The following CUBN variants were observed in gnomAD, a reference collection of about 807,000 sequenced individuals.
CUBN encodes cubilin.
CUBN carries 282 observed loss-of-function variants against 405.3 expected under a neutral mutation model. The observed-to-expected ratio is 0.70, with a 90% CI of 0.63 to 0.77. CUBN has a LOEUF of 0.77. Ranked by LOEUF, CUBN falls within the 30% of genes least tolerant of loss-of-function variation. CUBN has a pLI of 0.00. For synonymous variants in CUBN, 1,684 were observed against 1,617.0 expected (o/e 1.04, Z -0.99); for missense variants, 4,514 against 4,475.2 (o/e 1.01, Z -0.25).
intron 28 of CUBN, among the ~76,000 whole-genome samples, chr10:16,996,493 C>T (rs1833738629): frequency 1.3e-5 from 2 of 152,058 alleles, no homozygotes; most frequent in Non-Finnish European, 2.9e-5. Context: ...AAAATACCTT[C>T]ATAAAAGAAC....
At chr10:16,850,469 T>TTTA (rs1281185819) in intron 60 of CUBN, among the ~76,000 whole-genome samples, 1 of 151,976 alleles carries the variant, frequency 6.6e-6, no homozygotes, top group Non-Finnish European at 1.5e-5. Flanking sequence ...ACTTTTTTAT[T>TTTA]TTATTTATTT....
chr10:16,974,817 A>T (rs1326857181), intron 31 of CUBN, among the ~76,000 whole-genome samples: 3 of 152,214 alleles, frequency 2.0e-5, no homozygotes, highest in Admixed American at 6.5e-5. Context: ...GATGATGAGG[A>T]TGAAGACCTT....
chr10:16,976,394 CT>C, intron 31 of CUBN, among the ~76,000 whole-genome samples: 1 of 151,974 alleles, frequency 6.6e-6, no homozygotes, highest in Non-Finnish European at 1.5e-5. Context: ...ACTTCCAATC[CT>C]GGTTGAAAAG....
At chr10:16,829,799 T>C (rs1838920327) in intron 65 of CUBN, among the ~76,000 whole-genome samples, 1 of 152,072 alleles carries the variant, frequency 6.6e-6, no homozygotes, top group Non-Finnish European at 1.5e-5. Context: ...GGGCAACTCA[T>C]TAATCTTGGT....
At chr10:16,895,391 G>A (rs774085941) in intron 54 of CUBN, among the ~76,000 whole-genome samples, 1 of 151,696 alleles carries the variant, frequency 6.6e-6, no homozygotes, top group Non-Finnish European at 1.5e-5. Flanking sequence ...ACATATATAT[G>A]TCAATCAGAT....
intron 31 of CUBN, among the ~76,000 whole-genome samples, chr10:16,969,380 G>T (rs1843489486): frequency 1.3e-5 from 2 of 151,478 alleles, no homozygotes; most frequent in African/African-American, 4.9e-5. Context: ...TTTTTAGATG[G>T]AGTCTTGCTC....
chr10:16,854,898 C>T (rs1302533328), intron 59 of CUBN, among the ~76,000 whole-genome samples: 2 of 151,784 alleles, frequency 1.3e-5, no homozygotes, highest in Non-Finnish European at 2.9e-5. Flanking sequence ...TTGGCTGATC[C>T]ATCCTCCCTC....
intron 39 of CUBN, 44 bp downstream of exon 39, chr10:16,937,548 C>CACAT (rs1564434347): frequency 1.3e-6 from 2 of 1,536,168 alleles, no homozygotes; most frequent in Admixed American, 3.4e-5. Context: ...CATTGGCCTG[C>CACAT]ACATATCAGT....
At chr10:16,861,687 A>G (rs912438140) in intron 59 of CUBN, among the ~76,000 whole-genome samples, 1 of 152,036 alleles carries the variant, frequency 6.6e-6, no homozygotes, top group African/African-American at 2.4e-5. Flanking sequence ...TGAATCTGGG[A>G]TGTGATGCTC....
At chr10:16,967,548 C>T (rs1335017353) in intron 31 of CUBN, among the ~76,000 whole-genome samples, 1 of 151,994 alleles carries the variant, frequency 6.6e-6, no homozygotes, top group Non-Finnish European at 1.5e-5. Flanking sequence ...CACCAGGAAG[C>T]AAAGTAGCTA....
At chr10:16,828,401 C>T (rs1389868654) in intron 66 of CUBN, among the ~76,000 whole-genome samples, 1 of 152,178 alleles carries the variant, frequency 6.6e-6, no homozygotes, top group African/African-American at 2.4e-5. Flanking sequence ...GTGCTTCTTC[C>T]TCTGCAGTGT....
rs112391115 is a variant in CUBN, at chr10:17,111,248, C to T, written c.884-198G>A. On this transcript the variant is annotated intron_variant, in intron 8 of 66. Coordinates refer to ENST00000377833, the MANE Select transcript of CUBN (RefSeq NM_001081.4). ...CAACAAAGTGGGCAAATGGGCTCCTCTTATATGCTGATAGCTAGACATTAA... is the reference window on the plus strand; with the variant it reads ...CAACAAAGTGGGCAAATGGGCTCCTTTTATATGCTGATAGCTAGACATTAA... 5.2e-3 allele frequency among the ~76,000 whole-genome samples: 799 copies of T among 152,282 alleles called. 4 individuals are homozygous for T. The highest frequency in any genetic ancestry group is 0.018 in the African/African-American group (768 of 41,542).
At chr10:16,943,244 C>A (rs1297385776) in intron 36 of CUBN, among the ~76,000 whole-genome samples, 1 of 152,190 alleles carries the variant, frequency 6.6e-6, no homozygotes, top group Non-Finnish European at 1.5e-5. Context: ...TGGTGGTAAG[C>A]TGGTGGCTCT....
intron 7 of CUBN, 37 bp from the exon 8 acceptor site, chr10:17,114,226 T>A: frequency 6.2e-7 from 1 of 1,606,942 alleles, no homozygotes; most frequent in Non-Finnish European, 8.5e-7. Context: ...AAGACAATCA[T>A]GAAAATCAGC....
At chr10:17,107,955 G>A (rs189245531) in intron 10 of CUBN, among the ~76,000 whole-genome samples, 1 of 152,170 alleles carries the variant, frequency 6.6e-6, no homozygotes, top group African/African-American at 2.4e-5. Context: ...GAAAAATGGA[G>A]TAAGCAAGCT....
intron 64 of CUBN, 39 bp from the exon 65 acceptor site, chr10:16,831,456 C>T (rs1470367692): frequency 1.3e-6 from 2 of 1,544,862 alleles, no homozygotes; most frequent in Non-Finnish European, 1.8e-6. Flanking sequence ...CTTACACTTT[C>T]TTCTCTAAGG....
chr10:16,920,207 C>T (rs1256269824), intron 43 of CUBN, 70 bp from the exon 44 acceptor site: 4 of 1,467,040 alleles, frequency 2.7e-6, no homozygotes, highest in Non-Finnish European at 3.8e-6. Context: ...CACAAATCAT[C>T]TTTTAAAGTC....
At chr10:16,956,863 T>C (rs1843080183) in intron 31 of CUBN, among the ~76,000 whole-genome samples, 1 of 152,106 alleles carries the variant, frequency 6.6e-6, no homozygotes, top group East Asian at 1.9e-4. Context: ...ATATATACAG[T>C]TTATATTTAT....
chr10:16,892,357 C>T (rs1181938298), intron 54 of CUBN, among the ~76,000 whole-genome samples: 1 of 152,074 alleles, frequency 6.6e-6, no homozygotes, highest in Non-Finnish European at 1.5e-5. Context: ...AATGCACCTA[C>T]TCAATTTTAC....
Sources: allele counts gnomAD v4.1 joint callset (sites outside exome capture counted in the v4.1 genomes callset), GRCh38; gene constraint gnomAD v4.1.1; transcripts MANE v1.5; gene names NCBI Gene and HGNC (gene_info 2026-07-23, HGNC 2026-07-21).